Variants in B3GALNT2 observed in about 807,000 individuals in gnomAD.
The protein encoded by B3GALNT2 is beta-1,3-N-acetylgalactosaminyltransferase 2, also known as UDP-GalNAc:beta-1,3-N-acetylgalactosaminyltransferase 2.
B3GALNT2 carries 53 observed loss-of-function variants against 61.1 expected under a neutral mutation model. That is an observed-to-expected ratio of 0.87 (90% CI 0.70 to 1.09). The LOEUF (loss-of-function observed/expected upper bound fraction) is 1.09, where lower values mean the gene tolerates loss of function less well. Among genes scored for constraint, B3GALNT2 ranks in the 50% least tolerant of loss-of-function variants. B3GALNT2 has a pLI of 0.00. For synonymous variants in B3GALNT2, 223 were observed against 237.4 expected (o/e 0.94, Z 0.56); for missense variants, 544 against 623.0 (o/e 0.87, Z 1.35).
rs79701232 is a variant in B3GALNT2 at position 235,470,841 on chromosome 1, A to C, written c.762+9T>G. The C allele has an allele frequency of 1.1e-5, 17 of 1,609,056 alleles. No homozygotes were observed. The highest frequency in any genetic ancestry group is 1.3e-5 in the African/African-American group (1 of 74,696). On this transcript the variant is annotated intron_variant, in intron 6 of 11. Coordinates refer to ENST00000366600, the MANE Select transcript of B3GALNT2 (RefSeq NM_152490.5). ...ATATGCAATTAAACCTTAAAAAAAA[A>C]CGACTTACTGTAATGACTCTGAGAA...
Position 235,455,755 on chromosome 1 carries a change from A to G in B3GALNT2, c.1026-71T>C. 3 of 1,480,242 alleles carry G rather than the reference A, an allele frequency of 2.0e-6. No homozygotes were observed. In the South Asian group the frequency reaches 3.5e-5, roughly 17 times the overall value. 91.7% of individuals were successfully genotyped at this position (1,480,242 alleles called of 1,614,324 possible). A position where few individuals can be genotyped will look rare whatever the true frequency, so the allele number is the denominator to read the frequency against. Reference sequence around the variant, plus strand: ...AAACACCAATGCAGTGGCGTCACTAACACTTTCATTCAAAACTGTACCTGT... The same window carrying G: ...AAACACCAATGCAGTGGCGTCACTAGCACTTTCATTCAAAACTGTACCTGT... On this transcript the variant is annotated intron_variant, in intron 8 of 11. Transcript: ENST00000366600.
intron 1 of B3GALNT2, chr1:235,496,310 TGA>T: frequency 1.2e-6 from 1 of 800,250 alleles, no homozygotes; most frequent in South Asian, 2.3e-5. Context: ...AGACTCCACC[TGA>T]AAAAAAAAAA....
At chr1:235,463,489 A>T (rs1006176324) in intron 7 of B3GALNT2, 2 of 150,328 alleles carry the variant, frequency 1.3e-5, no homozygotes, top group African/African-American at 4.9e-5. Context: ...TAAAATTCAT[A>T]TGGAAGTGCA....
intron 5 of B3GALNT2, among the ~76,000 whole-genome samples, chr1:235,471,348 G>A (rs899331530): frequency 6.6e-6 from 1 of 152,108 alleles, no homozygotes; most frequent in Admixed American, 6.6e-5. Context: ...GCTACTAAAT[G>A]TCTACTAAAA....
chr1:235,464,874 TAAC>T (rs1683612847), intron 7 of B3GALNT2: 1 of 152,162 alleles, frequency 6.6e-6, no homozygotes, highest in Non-Finnish European at 1.5e-5. Context: ...CACAATGAAA[TAAC>T]AATTTACACC....
chr1:235,443,343 C>G (rs796304172), downstream of B3GALNT2, among the ~76,000 whole-genome samples: 5 of 152,008 alleles, frequency 3.3e-5, no homozygotes, highest in Non-Finnish European at 7.4e-5. Context: ...TGGGACTACA[C>G]GTGCGAGCCA....
chr1:235,451,774 T>C lies in B3GALNT2; in HGVS notation c.1368+1316A>G, dbSNP rs1250239152. On this transcript the variant is annotated intron_variant, in intron 11 of 11. Coordinates refer to ENST00000366600, the MANE Select transcript of B3GALNT2 (RefSeq NM_152490.5). ...TGCCTTCTGTCCCCTGCACCTTCGATGGCCAAAGTGGAAGCTGCAAGAATC... is the reference window on the plus strand; with the variant it reads ...TGCCTTCTGTCCCCTGCACCTTCGACGGCCAAAGTGGAAGCTGCAAGAATC... The C allele has an allele frequency of 2.0e-5, 3 of 152,312 alleles. No individual in the cohort carries two copies. In the East Asian group the frequency reaches 5.8e-4, roughly 29 times the overall value. 9.4% of individuals were successfully genotyped at this position (152,312 alleles called of 1,614,324 possible).
At chr1:235,499,341 A>G (rs558604750) in intron 1 of B3GALNT2, among the ~76,000 whole-genome samples, 1 of 152,314 alleles carries the variant, frequency 6.6e-6, no homozygotes, top group South Asian at 2.1e-4. Flanking sequence ...AAGCACTGAT[A>G]GTTTTCTTTT....
chr1:235,460,336 G>C (rs914243763), intron 7 of B3GALNT2, among the ~76,000 whole-genome samples: 31 of 147,550 alleles, frequency 2.1e-4, no homozygotes, highest in African/African-American at 7.7e-4. Context: ...AAGAGGCAGG[G>C]TTTTGCCATG....
intron 3 of B3GALNT2, among the ~76,000 whole-genome samples, chr1:235,486,909 C>T (rs539460369): frequency 1.4e-4 from 22 of 152,220 alleles, no homozygotes; most frequent in African/African-American, 5.3e-4. Flanking sequence ...TGGCTCACGC[C>T]TATAATCCCA....
chr1:235,492,903 T>C (rs371041711), intron 2 of B3GALNT2, among the ~76,000 whole-genome samples: 1 of 152,078 alleles, frequency 6.6e-6, no homozygotes, highest in African/African-American at 2.4e-5. Flanking sequence ...AGGCAGCCAG[T>C]GTAGGGGAAG....
In B3GALNT2 at chr1:235,448,713, TAC is replaced by T; in HGVS notation, c.*1491_*1492del. The T allele has an allele frequency of 1.2e-6, 2 of 1,614,182 alleles. No individual in the cohort carries two copies. Among genetic ancestry groups the T allele is most frequent in the Non-Finnish European group, 1.7e-6 (2 of 1,180,016 alleles). On this transcript the variant is annotated 3_prime_UTR_variant, in exon 12 of 12. Transcript: ENST00000366600. ...GAGCTGGAAAATGACCTAAAGTCAT[TAC>T]AGTTTTATTCTGTGGAAAATGGAGA...
At position 235,485,338 on chromosome 1, in the gene B3GALNT2, G is replaced by A. The variant is rs117326885; in HGVS notation, c.362-823C>T. 8.5e-5 allele frequency among the ~76,000 whole-genome samples: 13 copies of A among 152,210 alleles called. No individual in the cohort carries two copies. The East Asian group carries it at 2.5e-3, about 29-fold the overall frequency. On this transcript the variant is annotated intron_variant, in intron 3 of 11. Coordinates refer to ENST00000366600, the MANE Select transcript of B3GALNT2 (RefSeq NM_152490.5). ...ATTTTTCTTTTATTTCTTTTTTTGA[G>A]ACAGTCACCCAGTCACCCAGGCTGC...
chr1:235,465,823 A>G (rs1250308756), intron 6 of B3GALNT2, 109 bp from the exon 7 acceptor site: 1 of 1,291,340 alleles, frequency 7.7e-7, no homozygotes, highest in African/African-American at 1.5e-5. Context: ...CAGCAGATAA[A>G]TGCATGTAAG....
intron 9 of B3GALNT2, 71 bp from the exon 10 acceptor site, chr1:235,454,386 C>T (rs1008205001): frequency 7.2e-7 from 1 of 1,391,890 alleles, no homozygotes; most frequent in Non-Finnish European, 9.9e-7. Flanking sequence ...AACTTGACTC[C>T]TTTATCATCA....
downstream of B3GALNT2, among the ~76,000 whole-genome samples, chr1:235,442,329 C>G (rs1681948218): frequency 6.6e-6 from 1 of 152,170 alleles, no homozygotes; most frequent in Admixed American, 6.5e-5. Flanking sequence ...CGCCACCACA[C>G]CCAGTTAATT....
chr1:235,472,611 C>T (rs1684054243), intron 5 of B3GALNT2, among the ~76,000 whole-genome samples: 1 of 152,226 alleles, frequency 6.6e-6, no homozygotes, highest in South Asian at 2.1e-4. Context: ...TCAACCACTG[C>T]ATCCCCAGCA....
chr1:235,454,970 C>T (rs1352872633), intron 9 of B3GALNT2, among the ~76,000 whole-genome samples: 1 of 152,138 alleles, frequency 6.6e-6, no homozygotes, highest in South Asian at 2.1e-4. Flanking sequence ...GTGTCACAAA[C>T]GTACTCTAAC....
intron 5 of B3GALNT2, among the ~76,000 whole-genome samples, chr1:235,477,620 G>C (rs1260883717): frequency 6.6e-6 from 1 of 151,614 alleles, no homozygotes. Flanking sequence ...TTGCTGGGGC[G>C]GGGGTGGGGT....
Sources: gnomAD v4.1 joint callset for allele counts (sites outside exome capture counted in the v4.1 genomes callset) on GRCh38, gnomAD v4.1.1 for gene constraint, MANE v1.5 for transcripts, NCBI Gene and HGNC (gene_info 2026-07-23, HGNC 2026-07-21) for gene names.